THEMIS: variants seen among roughly 807,000 people sequenced by gnomAD.
THEMIS encodes thymocyte selection associated, also known as protein THEMIS.
THEMIS carries 37 observed loss-of-function variants against 52.6 expected under a neutral mutation model. That is an observed-to-expected ratio of 0.70 (90% confidence interval 0.54 to 0.93). The LOEUF (loss-of-function observed/expected upper bound fraction) is 0.93. THEMIS is among the 40% of genes least tolerant of loss of function. THEMIS has a pLI of 0.00. For synonymous variants in THEMIS, 292 were observed against 272.7 expected (o/e 1.07, Z -0.70); for missense variants, 808 against 763.1 (o/e 1.06, Z -0.69).
At chr6:127,895,522 A>G (rs1286035602) in intron 1 of THEMIS, among the ~76,000 whole-genome samples, 2 of 151,574 alleles carry the variant, frequency 1.3e-5, no homozygotes, top group Non-Finnish European at 3.0e-5. Flanking sequence ...TACGATCTCA[A>G]TATAGCAATA....
At chr6:127,755,841 AAATG>A (rs1775803957) in intron 4 of THEMIS, among the ~76,000 whole-genome samples, 1 of 152,104 alleles carries the variant, frequency 6.6e-6, no homozygotes, top group Non-Finnish European at 1.5e-5. Flanking sequence ...AGCCTGGCCA[AAATG>A]GAGAAACCCT....
chr6:127,888,459 A>G (rs940202690), intron 1 of THEMIS, among the ~76,000 whole-genome samples: 8 of 152,080 alleles, frequency 5.3e-5, no homozygotes, highest in Non-Finnish European at 1.2e-4. Flanking sequence ...TTCCCTATAA[A>G]GCATGGGGAA....
intron 4 of THEMIS, among the ~76,000 whole-genome samples, chr6:127,752,714 C>A (rs867525802): frequency 1.1e-4 from 16 of 151,654 alleles, no homozygotes; most frequent in Admixed American, 5.9e-4. Flanking sequence ...TGTCTAGGAC[C>A]TGAAGGCTTT....
intron 3 of THEMIS, among the ~76,000 whole-genome samples, chr6:127,825,529 A>G (rs1209444644): frequency 6.6e-6 from 1 of 152,204 alleles, no homozygotes; most frequent in Non-Finnish European, 1.5e-5. Flanking sequence ...GTTCTCAGGA[A>G]GCAAGGGAAG....
At chr6:127,839,726 A>G (rs952039836) in intron 2 of THEMIS, among the ~76,000 whole-genome samples, 7 of 151,962 alleles carry the variant, frequency 4.6e-5, no homozygotes, top group African/African-American at 1.7e-4. Flanking sequence ...ATATTTACTT[A>G]CTCGCAATTC....
chr6:127,744,451 AG>A (rs1169815633), intron 4 of THEMIS, among the ~76,000 whole-genome samples: 2 of 152,058 alleles, frequency 1.3e-5, no homozygotes, highest in Non-Finnish European at 2.9e-5. Flanking sequence ...AGAAGAATTA[AG>A]AAAGAAAATG....
intron 1 of THEMIS, among the ~76,000 whole-genome samples, chr6:127,873,658 G>T (rs1020394613): frequency 6.6e-6 from 1 of 152,154 alleles, no homozygotes. Flanking sequence ...CACTGGCCTT[G>T]TGCAGTCAAA....
At chr6:127,856,706 G>T (rs1418655566) in intron 1 of THEMIS, among the ~76,000 whole-genome samples, 1 of 151,846 alleles carries the variant, frequency 6.6e-6, no homozygotes, top group Non-Finnish European at 1.5e-5. Flanking sequence ...CCCTCTCCTT[G>T]TCTCATACTA....
chr6:127,798,414 T>G (rs1041309473), intron 4 of THEMIS, among the ~76,000 whole-genome samples: 4 of 152,210 alleles, frequency 2.6e-5, no homozygotes, highest in African/African-American at 9.6e-5. Context: ...GCAGGTTAGT[T>G]ACATATGTAT....
intron 3 of THEMIS, among the ~76,000 whole-genome samples, chr6:127,818,847 C>T (rs1279141773): frequency 6.6e-6 from 1 of 151,858 alleles, no homozygotes; most frequent in Non-Finnish European, 1.5e-5. Context: ...GGACCAGGTG[C>T]GGTGGCTCAC....
chr6:127,825,062 T>C (rs1778462251), intron 3 of THEMIS, among the ~76,000 whole-genome samples: 1 of 152,142 alleles, frequency 6.6e-6, no homozygotes, highest in South Asian at 2.1e-4. Context: ...AAAAATATGA[T>C]AACGAAAATT....
chr6:127,906,867 A>T (rs992649196), intron 1 of THEMIS, among the ~76,000 whole-genome samples: 1 of 151,948 alleles, frequency 6.6e-6, no homozygotes, highest in Non-Finnish European at 1.5e-5. Context: ...CTCAAAGCAA[A>T]CTTTACGTAA....
chr6:127,806,533 A>G (rs1777713996), intron 4 of THEMIS, among the ~76,000 whole-genome samples: 1 of 152,212 alleles, frequency 6.6e-6, no homozygotes, highest in African/African-American at 2.4e-5. Flanking sequence ...AGTGTACTTC[A>G]ATCATGCCAT....
intron 2 of THEMIS, among the ~76,000 whole-genome samples, chr6:127,830,622 G>A (rs941779500): frequency 1.3e-5 from 2 of 151,806 alleles, no homozygotes; most frequent in Non-Finnish European, 2.9e-5. Context: ...GGAGGTAGAG[G>A]TTGTAGTGAG....
intron 1 of THEMIS, among the ~76,000 whole-genome samples, chr6:127,868,938 G>T (rs1780068820): frequency 6.6e-6 from 1 of 152,028 alleles, no homozygotes; most frequent in Non-Finnish European, 1.5e-5. Context: ...CTGATATATT[G>T]GTGAGCAAAT....
Position 127,877,825 on chromosome 6 carries a change from G to T in THEMIS, c.92-22637C>A, listed in dbSNP as rs942621644. 2.6e-5 allele frequency among the ~76,000 whole-genome samples: 4 copies of T among 152,202 alleles called. No homozygotes were observed. The East Asian group carries it at 5.8e-4, about 22-fold the overall frequency. On this transcript the variant is annotated intron_variant, in intron 1 of 5. Transcript: ENST00000368248. Reference sequence around the variant, plus strand: ...GGTGCCAATAGAATTGCTCGATACAGGTGTGCCACAATCCTTCAATTTGTT... The same window carrying T: ...GGTGCCAATAGAATTGCTCGATACATGTGTGCCACAATCCTTCAATTTGTT...
chr6:127,744,726 G>C (rs2114296937), intron 4 of THEMIS, among the ~76,000 whole-genome samples: 1 of 152,096 alleles, frequency 6.6e-6, no homozygotes, highest in South Asian at 2.1e-4. Flanking sequence ...AGTCATGCAA[G>C]ATGGGTAAAT....
At chr6:127,760,760 G>A (rs551344776) in intron 4 of THEMIS, among the ~76,000 whole-genome samples, 1 of 152,146 alleles carries the variant, frequency 6.6e-6, no homozygotes, top group South Asian at 2.1e-4. Context: ...CTGTATAACA[G>A]AGTGAGACCC....
intron 2 of THEMIS, among the ~76,000 whole-genome samples, chr6:127,834,042 C>T (rs2114674256): frequency 6.6e-6 from 1 of 152,236 alleles, no homozygotes; most frequent in South Asian, 2.1e-4. Context: ...TTATAGATCA[C>T]TGAACATCAT....
Sources: allele counts gnomAD v4.1 joint callset (sites outside exome capture counted in the v4.1 genomes callset), GRCh38; gene constraint gnomAD v4.1.1; transcripts MANE v1.5; gene names NCBI Gene and HGNC (gene_info 2026-07-23, HGNC 2026-07-21).